Variants in RABGAP1L observed in about 807,000 individuals in gnomAD.
The protein encoded by RABGAP1L is rab GTPase-activating protein 1-like.
RABGAP1L carries 63 observed loss-of-function variants against 137.7 expected under a neutral mutation model. The ratio of observed to expected loss-of-function variants is 0.46; its 90% CI spans 0.37 to 0.56. The LOEUF (loss-of-function observed/expected upper bound fraction) is 0.56, where lower values mean the gene tolerates loss of function less well. RABGAP1L is among the 20% of genes least tolerant of loss of function. The pLI is 0.00. For synonymous variants in RABGAP1L, 431 were observed against 433.7 expected (o/e 0.99, Z 0.08); for missense variants, 1,095 against 1,244.0 (o/e 0.88, Z 1.80).
Position 174,448,330 on chromosome 1 carries a change from T to C in RABGAP1L, c.1710+54185T>C. The C allele has an allele frequency of 6.2e-7, 1 of 1,613,774 alleles. No homozygotes were observed. Among genetic ancestry groups the C allele is most frequent in the Non-Finnish European group, 8.5e-7 (1 of 1,179,664 alleles). ...TTCATTGTGCTCCACTGTTACATCATTATACTACCAGCTATTTCATTCAGA... is the reference window on the plus strand; with the variant it reads ...TTCATTGTGCTCCACTGTTACATCACTATACTACCAGCTATTTCATTCAGA... On this transcript the variant is annotated intron_variant, in intron 13 of 25. Coordinates refer to ENST00000681986, the MANE Select transcript of RABGAP1L (RefSeq NM_001366446.1). This position sits in a 1 kb window ranked among gnomAD's most constrained non-coding sequence, Gnocchi z 4.2.
chr1:174,790,275 T>G (rs1215670561), intron 18 of RABGAP1L, among the ~76,000 whole-genome samples: 1 of 151,708 alleles, frequency 6.6e-6, no homozygotes, highest in African/African-American at 2.4e-5. Context: ...ATAAATGTCA[T>G]AAAAGAAATA....
intron 7 of RABGAP1L, among the ~76,000 whole-genome samples, chr1:174,269,768 C>CGAAT (rs1364165279): frequency 1.3e-5 from 2 of 152,092 alleles, no homozygotes; most frequent in African/African-American, 4.8e-5. Context: ...TATTTTAGAA[C>CGAAT]GAATGATATC....
At chr1:174,872,674 G>C (rs1652393426) in intron 19 of RABGAP1L, among the ~76,000 whole-genome samples, 1 of 151,766 alleles carries the variant, frequency 6.6e-6, no homozygotes, top group South Asian at 2.1e-4. Context: ...GCAAATAGCT[G>C]AGACTACAGG....
At chr1:174,285,126 C>T (rs1381042657) in intron 10 of RABGAP1L, among the ~76,000 whole-genome samples, 2 of 152,104 alleles carry the variant, frequency 1.3e-5, no homozygotes. Context: ...AAGCTATTCT[C>T]CTGCTTCAGC....
chr1:174,601,194 G>A (rs114013402), intron 13 of RABGAP1L, among the ~76,000 whole-genome samples: 3,652 of 152,286 alleles, frequency 0.024, 61 homozygotes, highest in Middle Eastern at 0.085. Context: ...TCCCTAGGCC[G>A]CACGCAGCAC....
chr1:174,643,452 A>G (rs1432690557), intron 14 of RABGAP1L, among the ~76,000 whole-genome samples: 1 of 152,162 alleles, frequency 6.6e-6, no homozygotes, highest in Non-Finnish European at 1.5e-5. Context: ...TCTAATGAGC[A>G]GTGAAATAAG....
intron 14 of RABGAP1L, 122 bp downstream of exon 14, chr1:174,637,610 G>GCA: frequency 4.2e-6 from 3 of 707,906 alleles, no homozygotes; most frequent in Non-Finnish European, 4.9e-6. Flanking sequence ...TTTCTGCTTT[G>GCA]CACACACGCT....
chr1:174,755,010 C>T (rs1684622535), intron 18 of RABGAP1L, among the ~76,000 whole-genome samples: 1 of 152,098 alleles, frequency 6.6e-6, no homozygotes. Flanking sequence ...ATGGTATTAG[C>T]CAGAGAAAAC....
At position 174,650,368 on chromosome 1, in the gene RABGAP1L, T is replaced by C. The variant is rs541506583; in HGVS notation, c.1824+12880T>C. Reference sequence around the variant, plus strand: ...CCTCATAAAATGAGTTAGGGAGGATTCCGTCTTTTTCTATTGATTGGAATA... The same window carrying C: ...CCTCATAAAATGAGTTAGGGAGGATCCCGTCTTTTTCTATTGATTGGAATA... On this transcript the variant is annotated intron_variant, in intron 14 of 25. Coordinates refer to ENST00000681986, the MANE Select transcript of RABGAP1L (RefSeq NM_001366446.1). Among the ~76,000 whole-genome samples the C allele has an allele frequency of 2.6e-5, 4 of 152,292 alleles. No homozygotes were observed. The East Asian group carries it at 7.7e-4, about 29-fold the overall frequency.
At chr1:174,498,855 CA>C (rs199814730) in intron 13 of RABGAP1L, among the ~76,000 whole-genome samples, 5,266 of 151,922 alleles carry the variant, frequency 0.035, 119 homozygotes, top group Middle Eastern at 0.088. Flanking sequence ...ACTTTCTCCT[CA>C]AAAAGCCAAG....
rs370546944 is a variant in RABGAP1L at position 174,905,876 on chromosome 1, G to T, written c.2341-51581G>T. On this transcript the variant is annotated intron_variant, in intron 19 of 25. Transcript: ENST00000681986. Reference sequence around the variant, plus strand: ...AAAAAAGAAAAAGAAAAAGAAAAAAGAAAATACATGGAGGAGAATAAAGAA... The same window carrying T: ...AAAAAAGAAAAAGAAAAAGAAAAAATAAAATACATGGAGGAGAATAAAGAA... 1.4e-4 allele frequency among the ~76,000 whole-genome samples: 22 copies of T among 151,748 alleles called. 1 individual carries two copies. Among genetic ancestry groups the T allele is most frequent in the African/African-American group, 4.8e-4 (20 of 41,422 alleles).
intron 1 of RABGAP1L, among the ~76,000 whole-genome samples, chr1:174,209,243 CA>C (rs1330918780): frequency 1.3e-5 from 2 of 152,146 alleles, no homozygotes; most frequent in Non-Finnish European, 2.9e-5. Flanking sequence ...GGACCAGTAT[CA>C]GTCTGTGGCC....
chr1:174,183,910 G>T (rs550006859), intron 1 of RABGAP1L, among the ~76,000 whole-genome samples: 1 of 141,692 alleles, frequency 7.1e-6, no homozygotes, highest in Non-Finnish European at 1.5e-5. Context: ...CTGTTGCCCA[G>T]GCTGGAGTGC....
intron 13 of RABGAP1L, among the ~76,000 whole-genome samples, chr1:174,395,802 C>T (rs1199681159): frequency 1.4e-5 from 2 of 142,734 alleles, no homozygotes; most frequent in African/African-American, 5.3e-5. Flanking sequence ...CTAGCCACTA[C>T]ACTTTGGCTT....
chr1:174,710,434 C>T lies in RABGAP1L; in HGVS notation c.2169+8178C>T, dbSNP rs557208914. 8.5e-5 allele frequency among the ~76,000 whole-genome samples: 13 copies of T among 152,240 alleles called. No homozygotes were observed. The South Asian group carries it at 1.7e-3, about 19-fold the overall frequency. ...GTTAAGGGAAGCCAGAGAGAAAGGT[C>T]GGGTTACTCACAAAGGGAAGCCCAT... is the stretch of plus-strand genomic sequence containing the variant. On this transcript the variant is annotated intron_variant, in intron 17 of 25. Transcript: ENST00000681986.
intron 10 of RABGAP1L, among the ~76,000 whole-genome samples, chr1:174,304,614 G>A (rs1355917060): frequency 6.6e-6 from 1 of 152,112 alleles, no homozygotes; most frequent in East Asian, 1.9e-4. Flanking sequence ...GTATACAGTT[G>A]TAAAAATTCT....
In RABGAP1L at chr1:174,398,753, C is replaced by T. The variant is rs547390993; in HGVS notation, c.1710+4608C>T. ...GATTTATCCCTCCACCCCCGAAAAT[C>T]TAGGCTTTTTGTAAACAGGAAAGAG... On this transcript the variant is annotated intron_variant, in intron 13 of 25. Transcript: ENST00000681986. Among the ~76,000 whole-genome samples, 24 of 152,252 alleles carry T rather than the reference C, an allele frequency of 1.6e-4. No homozygotes were observed. In the South Asian group the frequency reaches 5.0e-3, roughly 32 times the overall value.
Position 174,514,237 on chromosome 1 carries a change from T to C in RABGAP1L, c.1710+120092T>C, listed in dbSNP as rs117657708. 2.4e-3 allele frequency among the ~76,000 whole-genome samples: 318 copies of C among 134,972 alleles called. 11 individuals are homozygous for C. The East Asian group carries it at 0.053, about 22-fold the overall frequency. The allele number at this position is 134,972 out of a possible 152,430, so 88.5% of individuals were successfully genotyped here. ...TTTTTAAATCATGAAGCATGTGTTA[T>C]ATTTTAAGCCAAAAAAAAAAAAAAA... On this transcript the variant is annotated intron_variant, in intron 13 of 25. Coordinates refer to ENST00000681986, the MANE Select transcript of RABGAP1L (RefSeq NM_001366446.1).
At chr1:174,871,810 C>T (rs1023310323) in intron 19 of RABGAP1L, among the ~76,000 whole-genome samples, 1 of 152,118 alleles carries the variant, frequency 6.6e-6, no homozygotes, top group Non-Finnish European at 1.5e-5. Flanking sequence ...GCACTCTGCT[C>T]AAAATGAGAC....
Sources: allele counts gnomAD v4.1 joint callset (sites outside exome capture counted in the v4.1 genomes callset), GRCh38; gene constraint gnomAD v4.1.1; non-coding constraint Gnocchi (gnomAD v3.1); transcripts MANE v1.5; gene names NCBI Gene and HGNC (gene_info 2026-07-23, HGNC 2026-07-21).